Variants in GALR1 observed in about 807,000 individuals in gnomAD.
The protein encoded by GALR1 is galanin receptor 1, also known as galanin receptor type 1.
A neutral mutation model predicts 17.9 loss-of-function variants in GALR1; 11 were observed. The observed-to-expected ratio is 0.62, with a 90% confidence interval of 0.39 to 1.02. The LOEUF is 1.02. Among genes scored for constraint, GALR1 ranks in the 50% least tolerant of loss-of-function variants. The pLI is 0.01. For synonymous variants in GALR1, 206 were observed against 205.7 expected (o/e 1.00, Z -0.01); for missense variants, 441 against 456.9 (o/e 0.97, Z 0.32).
chr18:77,251,556 G>T (rs913499656), intron 1 of GALR1, among the ~76,000 whole-genome samples: 2 of 152,236 alleles, frequency 1.3e-5, no homozygotes, highest in Non-Finnish European at 2.9e-5. Flanking sequence ...GTAGGTAGGC[G>T]GGCGCTGCCG....
At position 77,250,852 on chromosome 18, in the gene GALR1, G is replaced by C; in HGVS notation, c.304G>C (p.Val102Leu). ...CACCGTGTACGCGCTGCCCACCTGG[G>C]TGCTGGGCGCCTTCATCTGCAAGTT... ...QATVYALPTW[V>L]LGAFICKFIH... Residue 102 changes from valine (V) to leucine (L), a missense_variant, in exon 1 of 3, where the codon GTG (valine) becomes CTG (leucine). Physicochemically the swap from Val to Leu is conservative, Grantham distance 32 (BLOSUM62 1). Coordinates refer to ENST00000299727, the MANE Select transcript of GALR1 (RefSeq NM_001480.4). 1 of 1,612,772 alleles carries C rather than the reference G, an allele frequency of 6.2e-7. No individual in the cohort carries two copies. The highest frequency in any genetic ancestry group is 8.5e-7 in the Non-Finnish European group (1 of 1,180,012).
intron 2 of GALR1, among the ~76,000 whole-genome samples, chr18:77,256,727 C>T (rs547169845): frequency 3.3e-5 from 5 of 152,280 alleles, no homozygotes; most frequent in East Asian, 3.9e-4. Context: ...GACTCTGACC[C>T]GGCAGGTAAA....
At chr18:77,263,294 A>T (rs1912873428) in intron 2 of GALR1, among the ~76,000 whole-genome samples, 1 of 152,216 alleles carries the variant, frequency 6.6e-6, no homozygotes, top group Non-Finnish European at 1.5e-5. Context: ...TGAGCACATT[A>T]TCTGCTTGCT....
intron 2 of GALR1, among the ~76,000 whole-genome samples, chr18:77,258,833 ATGGTGGTGATGGTGGTGG>A (rs1912696549): frequency 1.2e-5 from 1 of 81,790 alleles, no homozygotes; most frequent in Non-Finnish European, 2.3e-5. Context: ...GGTGCTGGTG[ATGGTGGTGATGGTGGTGG>A]TGATGGTGGT....
intron 2 of GALR1, among the ~76,000 whole-genome samples, chr18:77,260,435 C>T (rs1036148376): frequency 1.3e-4 from 20 of 152,306 alleles, no homozygotes; most frequent in Middle Eastern, 3.4e-3. Flanking sequence ...GGCCCCCATT[C>T]ATAAGGGCAC....
At chr18:77,251,766 G>C (rs1020529759) in intron 1 of GALR1, among the ~76,000 whole-genome samples, 4 of 152,174 alleles carry the variant, frequency 2.6e-5, no homozygotes, top group African/African-American at 9.6e-5. Context: ...GGGGACTCGC[G>C]GGGCGGCCCC....
rs948601696 is a variant in GALR1, at chr18:77,272,923, A to G, written c.*4021A>G. 2.6e-5 allele frequency: 4 copies of G among 152,244 alleles called. No homozygotes were observed. Among genetic ancestry groups the G allele is most frequent in the African/African-American group, 9.6e-5 (4 of 41,458 alleles). The allele number at this position is 152,244 out of a possible 1,614,324, so 9.4% of individuals were successfully genotyped here. A position where few individuals can be genotyped will look rare whatever the true frequency, so the allele number is the denominator to read the frequency against. On this transcript the variant is annotated 3_prime_UTR_variant, in exon 3 of 3. Coordinates refer to ENST00000299727, the MANE Select transcript of GALR1 (RefSeq NM_001480.4). ...AGTTGAGCCTGAGGAAGAATTTAAA[A>G]TGCTTAAGACATCTTTGATGGGGGC...
At chr18:77,256,047 T>C in intron 1 of GALR1, 111 bp from the exon 2 acceptor site, 1 of 662,130 alleles carries the variant, frequency 1.5e-6, no homozygotes, top group South Asian at 1.9e-5. Context: ...ATTTTAATGA[T>C]CTTATAAATA....
In GALR1 at chr18:77,250,948, T is replaced by A; in HGVS notation, c.400T>A (p.Tyr134Asn). The A allele has an allele frequency of 1.2e-6, 2 of 1,604,364 alleles. No homozygotes were observed. The highest frequency in any genetic ancestry group is 1.7e-6 in the Non-Finnish European group (2 of 1,179,966). Residue 134 changes from tyrosine to asparagine, a missense_variant, in exon 1 of 3, where the codon TAC (tyrosine) becomes AAC (asparagine). Physicochemically the swap from Tyr to Asn is moderately radical, Grantham distance 143 (BLOSUM62 -2). Transcript: ENST00000299727. Reference sequence around the variant, plus strand: ...CCTGGCCGCGATGTCCGTGGACCGCTACGTGGCCATCGTGCACTCGCGGCG... The same window carrying A: ...CCTGGCCGCGATGTCCGTGGACCGCAACGTGGCCATCGTGCACTCGCGGCG... ...FTLAAMSVDR[Y>N]VAIVHSRRSS... is the part of the protein sequence containing the mutation.
rs1374085088 is a variant in GALR1 at position 77,250,424 on chromosome 18, A to G, written c.-125A>G. 1 of 1,015,602 alleles carries G rather than the reference A, an allele frequency of 9.8e-7. No individual in the cohort carries two copies. The highest frequency in any genetic ancestry group is 1.3e-6 in the Non-Finnish European group (1 of 753,838). 62.9% of individuals were successfully genotyped at this position (1,015,602 alleles called of 1,614,324 possible). ...CTCCCGCTGGCTCGCGCCTCGGGGG[A>G]AGCTCAGACTCCTAAACTCGCACTC... On this transcript the variant is annotated 5_prime_UTR_variant, in exon 1 of 3. Transcript: ENST00000299727.
intron 2 of GALR1, among the ~76,000 whole-genome samples, chr18:77,262,950 A>G (rs995043246): frequency 6.6e-6 from 1 of 152,336 alleles, no homozygotes; most frequent in East Asian, 1.9e-4. Context: ...GTTAACAAAC[A>G]CTGCCAGAGA....
chr18:77,253,404 A>G (rs1035604335), intron 1 of GALR1, among the ~76,000 whole-genome samples: 4 of 152,212 alleles, frequency 2.6e-5, no homozygotes, highest in African/African-American at 7.2e-5. Flanking sequence ...TCTGAGATTG[A>G]GATTCTTAAC....
intron 2 of GALR1, among the ~76,000 whole-genome samples, chr18:77,258,261 A>G (rs920815922): frequency 2.0e-5 from 3 of 152,216 alleles, no homozygotes; most frequent in African/African-American, 7.2e-5. Context: ...TATACTAAAT[A>G]TATCTATATA....
At chr18:77,258,437 G>C (rs567359571) in intron 2 of GALR1, among the ~76,000 whole-genome samples, 1 of 151,810 alleles carries the variant, frequency 6.6e-6, no homozygotes, top group East Asian at 1.9e-4. Flanking sequence ...ATAAATAAAT[G>C]TGGTGGTGGT....
At position 77,276,893 on chromosome 18, in the gene GALR1, C is replaced by A. The variant is rs1913168902; in HGVS notation, c.*7991C>A. 1 of 152,106 alleles carries A rather than the reference C, an allele frequency of 6.6e-6. No homozygotes were observed. The highest frequency in any genetic ancestry group is 2.4e-5 in the African/African-American group (1 of 41,420). The allele number at this position is 152,106 out of a possible 1,614,324, so 9.4% of individuals were successfully genotyped here. Reference sequence around the variant, plus strand: ...TGAAGGAGTTTAATAACTTGTAAGACTTTCAGAGATTGTTATAATTTTTGC... The same window carrying A: ...TGAAGGAGTTTAATAACTTGTAAGAATTTCAGAGATTGTTATAATTTTTGC... On this transcript the variant is annotated 3_prime_UTR_variant, in exon 3 of 3. Coordinates refer to ENST00000299727, the MANE Select transcript of GALR1 (RefSeq NM_001480.4).
intron 2 of GALR1, among the ~76,000 whole-genome samples, chr18:77,258,618 GTGGTGGTGA>G (rs1352439387): frequency 3.6e-5 from 5 of 138,710 alleles, no homozygotes; most frequent in East Asian, 2.3e-4. Flanking sequence ...GGTGATGGTG[GTGGTGGTGA>G]TGGTGGTGAT....
Position 77,271,564 on chromosome 18 carries a change from A to AGGTCC in GALR1, c.*2662_*2663insGGTCC, listed in dbSNP as rs1913066615. 6.6e-6 allele frequency: 1 copy of AGGTCC among 152,116 alleles called. No individual in the cohort carries two copies. Among genetic ancestry groups the AGGTCC allele is most frequent in the Non-Finnish European group, 1.5e-5 (1 of 68,032 alleles). 9.4% of individuals were successfully genotyped at this position (152,116 alleles called of 1,614,324 possible). A position where few individuals can be genotyped will look rare whatever the true frequency, so the allele number is the denominator to read the frequency against. On this transcript the variant is annotated 3_prime_UTR_variant, in exon 3 of 3. Coordinates refer to ENST00000299727, the MANE Select transcript of GALR1 (RefSeq NM_001480.4). Reference sequence around the variant, plus strand: ...ATTTCCCCCTAATATACAATGACCAATTCTGAAGCACCTTCTTTTCCGTCA... The same window carrying AGGTCC: ...ATTTCCCCCTAATATACAATGACCAAGGTCCTTCTGAAGCACCTTCTTTTCCGTCA...
intron 1 of GALR1, chr18:77,254,046 C>T (rs1056819371): frequency 4.0e-4 from 61 of 152,278 alleles, no homozygotes; most frequent in African/African-American, 1.4e-3. Context: ...CCAGAATCTC[C>T]TTGGTCTACC....
intron 1 of GALR1, among the ~76,000 whole-genome samples, chr18:77,254,562 T>G (rs2144951798): frequency 6.6e-6 from 1 of 152,364 alleles, no homozygotes; most frequent in South Asian, 2.1e-4. Flanking sequence ...TTGTCTCTCC[T>G]GTGTCCTCAG....
Sources: gnomAD v4.1 joint callset for allele counts (sites outside exome capture counted in the v4.1 genomes callset) on GRCh38, gnomAD v4.1.1 for gene constraint, MANE v1.5 for transcripts, NCBI Gene and HGNC (gene_info 2026-07-23, HGNC 2026-07-21) for gene names.